The following BRAF variants were observed in gnomAD, a reference collection of about 807,000 sequenced individuals.
BRAF encodes B-Raf proto-oncogene, serine/threonine kinase.
In BRAF, 16 loss-of-function variants were observed where a neutral mutation model predicts 104.6. That is an observed-to-expected ratio of 0.15 (90% CI 0.10 to 0.23). The LOEUF (loss-of-function observed/expected upper bound fraction) is 0.23, where lower values mean the gene tolerates loss of function less well. BRAF is among the 10% of genes least tolerant of loss of function. BRAF has a pLI of 1.00. For missense variants in BRAF, 541 were observed against 937.3 expected, an observed-to-expected ratio of 0.58 and a Z score of 5.52; for synonymous variants, 310 against 341.6, an observed-to-expected ratio of 0.91 and a Z score of 1.02.
intron 1 of BRAF, among the ~76,000 whole-genome samples, chr7:140,898,238 G>C (rs1463410164): frequency 6.6e-6 from 1 of 152,020 alleles, no homozygotes; most frequent in Admixed American, 6.6e-5. Flanking sequence ...AAAAGGACTA[G>C]AAGGAAATAT....
chr7:140,868,214 A>C (rs1811191450), intron 1 of BRAF, among the ~76,000 whole-genome samples: 1 of 152,198 alleles, frequency 6.6e-6, no homozygotes, highest in African/African-American at 2.4e-5. Flanking sequence ...GCTTTTGTAC[A>C]AAAGAAAATT....
intron 2 of BRAF, among the ~76,000 whole-genome samples, chr7:140,845,495 AAAAC>A (rs1381105892): frequency 4.6e-5 from 7 of 152,364 alleles, no homozygotes; most frequent in African/African-American, 1.4e-4. Flanking sequence ...TAACAAGAAC[AAAAC>A]AAACAATCCA....
At chr7:140,771,371 T>C (rs543467466) in intron 14 of BRAF, among the ~76,000 whole-genome samples, 3 of 151,624 alleles carry the variant, frequency 2.0e-5, no homozygotes, top group African/African-American at 7.3e-5. Context: ...AATTTTTGTA[T>C]TTTTTGTAGA....
intron 1 of BRAF, among the ~76,000 whole-genome samples, chr7:140,907,550 C>T (rs1337257328): frequency 3.9e-5 from 6 of 151,912 alleles, no homozygotes; most frequent in African/African-American, 1.2e-4. Context: ...CATAAGCCAC[C>T]GTGCCCAGCC....
chr7:140,918,633 TG>T (rs1817877411), intron 1 of BRAF, among the ~76,000 whole-genome samples: 1 of 152,176 alleles, frequency 6.6e-6, no homozygotes, highest in African/African-American at 2.4e-5. Context: ...GCAGCCAATT[TG>T]GCTGTCAATT....
chr7:140,787,660 A>C, intron 8 of BRAF, 76 bp from the exon 9 acceptor site: 1 of 1,220,470 alleles, frequency 8.2e-7, no homozygotes, highest in East Asian at 2.3e-5. Flanking sequence ...TGAATTTTCC[A>C]CTAACGTTAA....
intron 7 of BRAF, among the ~76,000 whole-genome samples, chr7:140,796,517 A>G (rs751452903): frequency 1.6e-4 from 25 of 152,220 alleles, no homozygotes; most frequent in African/African-American, 2.7e-4. Flanking sequence ...AACAAATCAG[A>G]GTTAAGTATG....
intron 6 of BRAF, 186 bp downstream of exon 6, chr7:140,801,226 C>T (rs1803076128): frequency 1.6e-6 from 1 of 622,760 alleles, no homozygotes; most frequent in Non-Finnish European, 2.8e-6. Context: ...GCTGAACCAG[C>T]ATTACAATTT....
chr7:140,778,820 T>C (rs1336602204), intron 12 of BRAF, among the ~76,000 whole-genome samples: 6 of 152,130 alleles, frequency 3.9e-5, no homozygotes, highest in Non-Finnish European at 7.4e-5. Flanking sequence ...CTTTGTAACA[T>C]TGTTGGCAGC....
intron 1 of BRAF, among the ~76,000 whole-genome samples, chr7:140,857,444 T>A (rs1194462722): frequency 6.6e-6 from 1 of 152,192 alleles, no homozygotes; most frequent in Non-Finnish European, 1.5e-5. Flanking sequence ...TACACCACAT[T>A]TGTGGTGTTG....
In BRAF at chr7:140,770,504, T is replaced by TA. The variant is rs1323958677; in HGVS notation, c.1814+6407dup. On this transcript the variant is annotated intron_variant, in intron 14 of 19. Coordinates refer to ENST00000644969, the MANE Select transcript of BRAF (RefSeq NM_001374258.1). ...AAATTCAAAATCATACCATAAATAT[T>TA]ATACTGAAATTATAAGGCCTGCCAA... Among the ~76,000 whole-genome samples the TA allele has an allele frequency of 4.6e-5, 6 of 131,548 alleles. No homozygotes were observed. The Admixed American group carries it at 4.7e-4, about 10-fold the overall frequency. 86.3% of individuals were successfully genotyped at this position (131,548 alleles called of 152,430 possible).
chr7:140,866,774 G>A lies in BRAF; in HGVS notation c.139-16562C>T, dbSNP rs1027148716. ...AAGTAATGAATTATCTTCTCTCCAT[G>A]CATCTAGGATGGTACTTATAAGACT... is the stretch of plus-strand genomic sequence containing the variant. On this transcript the variant is annotated intron_variant, in intron 1 of 19. Coordinates refer to ENST00000644969, the MANE Select transcript of BRAF (RefSeq NM_001374258.1). 7.2e-5 allele frequency among the ~76,000 whole-genome samples: 11 copies of A among 151,980 alleles called. No homozygotes were observed. In the South Asian group the frequency reaches 2.1e-3, roughly 29 times the overall value.
intron 14 of BRAF, among the ~76,000 whole-genome samples, chr7:140,769,105 C>A (rs1799598713): frequency 6.8e-6 from 1 of 146,202 alleles, no homozygotes; most frequent in South Asian, 2.2e-4. Flanking sequence ...GAGACAGAAT[C>A]TCGCTCTGTC....
At chr7:140,808,656 C>T (rs1803911023) in intron 4 of BRAF, among the ~76,000 whole-genome samples, 1 of 152,010 alleles carries the variant, frequency 6.6e-6, no homozygotes, top group South Asian at 2.1e-4. Flanking sequence ...TTGTAAGAAT[C>T]TCAAATTCCA....
At chr7:140,796,514 CAG>C (rs1802512920) in intron 7 of BRAF, among the ~76,000 whole-genome samples, 1 of 152,090 alleles carries the variant, frequency 6.6e-6, no homozygotes, top group African/African-American at 2.4e-5. Flanking sequence ...GATAACAAAT[CAG>C]AGTTAAGTAT....
intron 12 of BRAF, among the ~76,000 whole-genome samples, chr7:140,779,082 C>T (rs1333728414): frequency 6.6e-6 from 1 of 152,146 alleles, no homozygotes; most frequent in Non-Finnish European, 1.5e-5. Flanking sequence ...ATAGATGAAT[C>T]TTATAAACAA....
downstream of BRAF, among the ~76,000 whole-genome samples, chr7:140,717,442 AT>A (rs200802027): frequency 2.0e-5 from 3 of 149,956 alleles, no homozygotes; most frequent in Non-Finnish European, 3.0e-5. Flanking sequence ...AGCTAATTAA[AT>A]TTTTTTTTTG....
intron 1 of BRAF, among the ~76,000 whole-genome samples, chr7:140,922,928 G>T (rs191023345): frequency 2.0e-5 from 3 of 152,250 alleles, no homozygotes; most frequent in African/African-American, 7.2e-5. Context: ...TTGAAGTAGA[G>T]AAGAGCTTTC....
chr7:140,751,660 T>C (rs1254750438), intron 16 of BRAF, among the ~76,000 whole-genome samples: 2 of 152,142 alleles, frequency 1.3e-5, no homozygotes, highest in Non-Finnish European at 2.9e-5. Context: ...GGTACCAGAA[T>C]ACAGATCTTC....
Sources: allele counts gnomAD v4.1 joint callset (sites outside exome capture counted in the v4.1 genomes callset), GRCh38; gene constraint gnomAD v4.1.1; transcripts MANE v1.5; gene names NCBI Gene and HGNC (gene_info 2026-07-23, HGNC 2026-07-21).